Variants in TTF1 observed in about 807,000 individuals in gnomAD.
TTF1 encodes the protein transcription termination factor 1, also known as transcription termination factor, RNA polymerase I.
TTF1 carries 64 observed loss-of-function variants against 80.2 expected under a neutral mutation model. The observed-to-expected ratio is 0.80, with a 90% confidence interval of 0.65 to 0.98. The LOEUF (loss-of-function observed/expected upper bound fraction) is 0.98, where lower values mean the gene tolerates loss of function less well. Among genes scored for constraint, TTF1 ranks in the 50% least tolerant of loss-of-function variants. The probability of loss-of-function intolerance (pLI) is 0.00; values close to 1 mark genes in which losing one functional copy is unlikely to be tolerated. For missense variants in TTF1, 1,023 were observed against 1,086.2 expected, an observed-to-expected ratio of 0.94 and a Z score of 0.82; for synonymous variants, 372 against 382.7, an observed-to-expected ratio of 0.97 and a Z score of 0.33.
chr9:132,397,939 T>C (rs921023060), intron 4 of TTF1, among the ~76,000 whole-genome samples: 3 of 151,686 alleles, frequency 2.0e-5, no homozygotes, highest in East Asian at 3.9e-4. Context: ...TGAGCCAAGA[T>C]TGCACCACTG....
intron 5 of TTF1, among the ~76,000 whole-genome samples, chr9:132,396,149 T>C (rs554118): frequency 0.3 from 45,164 of 151,852 alleles, 8,008 homozygotes; most frequent in East Asian, 0.57. Context: ...GAGAGCAGAG[T>C]AAACAGGAGT....
intron 9 of TTF1, among the ~76,000 whole-genome samples, chr9:132,381,316 C>G (rs1849367774): frequency 1.3e-5 from 2 of 151,946 alleles, no homozygotes; most frequent in South Asian, 4.2e-4. Context: ...TCAGCCTCCC[C>G]AGTAGCTGGG....
chr9:132,378,177 A>AGTGC (rs1849274037), intron 10 of TTF1, among the ~76,000 whole-genome samples: 3 of 95,916 alleles, frequency 3.1e-5, no homozygotes, highest in South Asian at 3.4e-4. Context: ...GGTGTGTGTG[A>AGTGC]ATGCATGTGG....
intron 9 of TTF1, among the ~76,000 whole-genome samples, chr9:132,380,898 C>T (rs1186341933): frequency 1.3e-5 from 2 of 151,882 alleles, no homozygotes; most frequent in Admixed American, 6.6e-5. Context: ...TTGTGGGGCC[C>T]TTTTATTTAT....
rs2131652891 is a variant in TTF1 at position 132,401,857 on chromosome 9, C to T, written c.965G>A (p.Gly322Glu). The change falls in exon 2 of 11, where the codon GGA becomes GAA. Residue 322 changes from glycine (G) to glutamate (E), a missense_variant. Physicochemically the swap from Gly to Glu is moderately conservative, Grantham distance 98. Transcript: ENST00000334270. ...GTTTTTATAAGCAGGTGCTGGTATT[C>T]CTGCAGTTTCACCATGCAGGCCCAC... ...PAVGLHGETA[G>E]IPAPAYKNKS... is the part of the protein sequence containing the mutation. The T allele has an allele frequency of 1.9e-6, 3 of 1,612,996 alleles. No individual in the cohort carries two copies. The highest frequency in any genetic ancestry group is 2.5e-6 in the Non-Finnish European group (3 of 1,179,818).
At chr9:132,395,341 T>C (rs1389871962) in intron 5 of TTF1, among the ~76,000 whole-genome samples, 1 of 152,126 alleles carries the variant, frequency 6.6e-6, no homozygotes, top group Non-Finnish European at 1.5e-5. Flanking sequence ...ACAACACAAA[T>C]AATACAGCAC....
At position 132,390,796 on chromosome 9, in the gene TTF1, G is replaced by A. The variant is rs374966991; in HGVS notation, c.2023C>T (p.Arg675Trp). Residue 675 changes from arginine to tryptophan, a missense_variant, in exon 7 of 11, where the codon CGG becomes TGG. Arg to Trp is a moderately radical substitution (Grantham distance 101). Coordinates refer to ENST00000334270, the MANE Select transcript of TTF1 (RefSeq NM_007344.4). ...TCTTCGACAGCCTTGATTAGTTTCC[G>A]GGTTTCAGACTTACTCCAAGCACCA... ...NRGAWSKSET[R>W]KLIKAVEEVI... 2.5e-5 allele frequency: 40 copies of A among 1,613,918 alleles called. No homozygotes were observed. The highest frequency in any genetic ancestry group is 4.0e-5 in the African/African-American group (3 of 74,852).
At chr9:132,392,764 T>G (rs1258666954) in intron 5 of TTF1, among the ~76,000 whole-genome samples, 1 of 152,198 alleles carries the variant, frequency 6.6e-6, no homozygotes, top group African/African-American at 2.4e-5. Context: ...ATAGGAAAAC[T>G]CACTTTACCT....
chr9:132,376,237 C>T, intron 10 of TTF1, 69 bp from the exon 11 acceptor site: 3 of 1,504,234 alleles, frequency 2.0e-6, no homozygotes, highest in Non-Finnish European at 2.7e-6. Flanking sequence ...TCGAGGCATA[C>T]AGGAGGCTGG....
chr9:132,379,998 G>A (rs533103228), intron 9 of TTF1, among the ~76,000 whole-genome samples: 1 of 152,202 alleles, frequency 6.6e-6, no homozygotes, highest in East Asian at 1.9e-4. Context: ...AGATTCTTCC[G>A]ACCTCTTCAT....
At chr9:132,380,063 C>T (rs982441083) in intron 9 of TTF1, among the ~76,000 whole-genome samples, 3 of 151,964 alleles carry the variant, frequency 2.0e-5, no homozygotes, top group African/African-American at 7.3e-5. Context: ...ATGTCTCTTT[C>T]TCGCATTATC....
rs146418873 is a variant in TTF1, at chr9:132,378,217, GGTGT to G, written c.2464+838_2464+841del. Among the ~76,000 whole-genome samples the G allele has an allele frequency of 1.6e-4, 18 of 111,380 alleles. No individual in the cohort carries two copies. In the South Asian group the frequency reaches 2.1e-3, roughly 13 times the overall value. 73.1% of individuals were successfully genotyped at this position (111,380 alleles called of 152,430 possible). A position where few individuals can be genotyped will look rare whatever the true frequency, so the allele number is the denominator to read the frequency against. On this transcript the variant is annotated intron_variant, in intron 10 of 10. Transcript: ENST00000334270. The stretch of plus-strand genomic sequence containing the variant: ...AGTGCATGTGCGTGTGAATGCATGT[GGTGT>G]GTGAGTGCATGCATGTGGTGTGAGT...
chr9:132,405,425 C>G (rs1849849186), intron 1 of TTF1, among the ~76,000 whole-genome samples: 1 of 152,138 alleles, frequency 6.6e-6, no homozygotes, highest in South Asian at 2.1e-4. Flanking sequence ...CCAGGCTGGT[C>G]TTGAACTCCT....
chr9:132,381,640 G>A (rs1183256806), intron 9 of TTF1, among the ~76,000 whole-genome samples: 1 of 152,194 alleles, frequency 6.6e-6, no homozygotes, highest in Non-Finnish European at 1.5e-5. Flanking sequence ...TGATGCTGAA[G>A]AGTGGGCACC....
At chr9:132,387,456 G>A (rs1849488878) in intron 8 of TTF1, among the ~76,000 whole-genome samples, 1 of 152,094 alleles carries the variant, frequency 6.6e-6, no homozygotes, top group Non-Finnish European at 1.5e-5. Flanking sequence ...GGGAAGACTG[G>A]GCGGGGGCAT....
chr9:132,379,813 A>G (rs1266937637), intron 9 of TTF1, among the ~76,000 whole-genome samples: 1 of 152,238 alleles, frequency 6.6e-6, no homozygotes, highest in Non-Finnish European at 1.5e-5. Flanking sequence ...TCAATTTACA[A>G]TAAGTGGGTC....
intron 10 of TTF1, among the ~76,000 whole-genome samples, chr9:132,377,738 G>GT (rs1170600520): frequency 8.5e-5 from 10 of 117,554 alleles, no homozygotes; most frequent in African/African-American, 1.3e-4. Flanking sequence ...GAGTGCATGT[G>GT]GTGTGAGTGC....
intron 8 of TTF1, among the ~76,000 whole-genome samples, chr9:132,386,888 G>GTA (rs1849477474): frequency 3.3e-5 from 5 of 151,622 alleles, no homozygotes; most frequent in Non-Finnish European, 1.5e-5. Context: ...CTTTCTCACA[G>GTA]TAAAAAACAC....
At chr9:132,391,642 G>C (rs1361481450) in intron 6 of TTF1, among the ~76,000 whole-genome samples, 1 of 152,220 alleles carries the variant, frequency 6.6e-6, no homozygotes, top group Non-Finnish European at 1.5e-5. Context: ...ACTGTCTTCT[G>C]AAAGGAAACC....
Sources: allele counts gnomAD v4.1 joint callset (sites outside exome capture counted in the v4.1 genomes callset), GRCh38; gene constraint gnomAD v4.1.1; transcripts MANE v1.5; gene names NCBI Gene and HGNC (gene_info 2026-07-23, HGNC 2026-07-21).